Variants in ART3 observed in about 807,000 individuals in gnomAD.
ART3 encodes ecto-ADP-ribosyltransferase 3.
Under a neutral mutation model 48.5 loss-of-function variants are expected in ART3, and 49 were observed. That is an observed-to-expected ratio of 1.01 (90% CI 0.80 to 1.28). The LOEUF (loss-of-function observed/expected upper bound fraction) is 1.28, where lower values mean the gene tolerates loss of function less well. ART3 is among the 50% of genes most tolerant of loss of function. ART3 has a pLI of 0.00. For synonymous variants in ART3, 145 were observed against 157.2 expected, an observed-to-expected ratio of 0.92 and a Z score of 0.58; for missense variants, 438 against 454.3, an observed-to-expected ratio of 0.96 and a Z score of 0.33.
intron 11 of ART3, among the ~76,000 whole-genome samples, chr4:76,110,499 T>G (rs1017511636): frequency 3.3e-5 from 5 of 152,136 alleles, no homozygotes; most frequent in Non-Finnish European, 7.4e-5. Context: ...ATGTTGGTGG[T>G]TATCTTGTTT....
At chr4:76,021,840 C>A in intron 1 of ART3, 2 of 1,239,814 alleles carry the variant, frequency 1.6e-6, no homozygotes, top group South Asian at 2.4e-5. Flanking sequence ...TATGGCTTGA[C>A]ATATACTCCA....
chr4:76,092,965 A>C (rs1354483137), intron 3 of ART3, among the ~76,000 whole-genome samples: 1 of 152,248 alleles, frequency 6.6e-6, no homozygotes, highest in Non-Finnish European at 1.5e-5. Flanking sequence ...TCTGTATTTC[A>C]GAAGCCTGAC....
chr4:76,054,656 A>ACCCC (rs11349732), intron 1 of ART3, among the ~76,000 whole-genome samples: 1 of 151,752 alleles, frequency 6.6e-6, no homozygotes, highest in Admixed American at 6.6e-5. Context: ...ACATAGTGAG[A>ACCCC]CCCCCATCTC....
chr4:76,105,874 C>T (rs1728359008), intron 10 of ART3: 1 of 985,268 alleles, frequency 1.0e-6, no homozygotes, highest in Admixed American at 6.2e-5. Flanking sequence ...ATAGAAATAG[C>T]ATCATCCAAG....
At chr4:76,079,225 C>A (rs1721892275) in intron 2 of ART3, among the ~76,000 whole-genome samples, 2 of 145,646 alleles carry the variant, frequency 1.4e-5, no homozygotes, top group South Asian at 4.4e-4. Context: ...ACCTACCTCA[C>A]AAGGTTGCCG....
chr4:76,084,949 A>C lies in ART3; in HGVS notation c.781+2414A>C, dbSNP rs116404598. Among the ~76,000 whole-genome samples, 373 of 152,218 alleles carry C rather than the reference A, an allele frequency of 2.5e-3. 2 individuals carry two copies. Among genetic ancestry groups the C allele is most frequent in the African/African-American group, 8.5e-3 (354 of 41,520 alleles). ...CCTGCATAGGTTCAAAATATATTGT[A>C]TTTTATATGTGGCATGAGGCTACTA... is the stretch of plus-strand genomic sequence containing the variant. On this transcript the variant is annotated intron_variant, in intron 3 of 11. Transcript: ENST00000355810.
intron 1 of ART3, among the ~76,000 whole-genome samples, chr4:76,011,747 G>A (rs1458737362): frequency 6.6e-6 from 1 of 152,178 alleles, no homozygotes; most frequent in Admixed American, 6.5e-5. Flanking sequence ...GTAGGGCCCC[G>A]CCCCTCTGAG....
chr4:76,111,453 G>T (rs1247273818), intron 11 of ART3, among the ~76,000 whole-genome samples: 2 of 152,066 alleles, frequency 1.3e-5, no homozygotes, highest in Non-Finnish European at 2.9e-5. Context: ...TAAACTTTGG[G>T]TATTAGTAAA....
chr4:76,073,780 G>C (rs1015381368), upstream of ART3, among the ~76,000 whole-genome samples: 2 of 152,066 alleles, frequency 1.3e-5, no homozygotes, highest in African/African-American at 4.8e-5. Flanking sequence ...TTTTGTTCTT[G>C]ATATAAATTA....
At chr4:76,066,010 G>A (rs1719701291) in intron 1 of ART3, among the ~76,000 whole-genome samples, 1 of 152,152 alleles carries the variant, frequency 6.6e-6, no homozygotes, top group Non-Finnish European at 1.5e-5. Flanking sequence ...ATGCCTAACA[G>A]GAATTGGGAG....
At chr4:76,088,451 A>G (rs1174188754) in intron 3 of ART3, among the ~76,000 whole-genome samples, 1 of 151,818 alleles carries the variant, frequency 6.6e-6, no homozygotes, top group African/African-American at 2.4e-5. Flanking sequence ...TATTTTGTAG[A>G]GTTTACTGAG....
intron 3 of ART3, among the ~76,000 whole-genome samples, chr4:76,086,295 T>TA (rs895171963): frequency 2.2e-4 from 34 of 152,062 alleles, no homozygotes; most frequent in Middle Eastern, 6.8e-3. Flanking sequence ...TATTCAGCCT[T>TA]AAAAAAAGAG....
chr4:76,099,455 A>G (rs900719365), intron 5 of ART3: 1 of 179,456 alleles, frequency 5.6e-6, no homozygotes, highest in African/African-American at 2.4e-5. Flanking sequence ...AGGGAAATAT[A>G]CCTTCCTCAA....
chr4:76,028,341 C>T (rs1027717584), intron 1 of ART3, among the ~76,000 whole-genome samples: 1 of 152,162 alleles, frequency 6.6e-6, no homozygotes, highest in African/African-American at 2.4e-5. Flanking sequence ...CTAGAATTCA[C>T]TGATCTGAGT....
intron 3 of ART3, among the ~76,000 whole-genome samples, chr4:76,086,361 G>A (rs1054805743): frequency 2.6e-5 from 4 of 152,118 alleles, no homozygotes; most frequent in African/African-American, 9.7e-5. Flanking sequence ...TAGGCTAAGT[G>A]AAATAAGCCA....
chr4:76,020,509 A>T (rs150323977), intron 1 of ART3, among the ~76,000 whole-genome samples: 1 of 152,192 alleles, frequency 6.6e-6, no homozygotes, highest in African/African-American at 2.4e-5. Flanking sequence ...ATGTGGGAGG[A>T]GAGGAAGAAG....
At chr4:76,075,985 G>T in intron 2 of ART3, 27 bp downstream of exon 2, 1 of 1,496,530 alleles carries the variant, frequency 6.7e-7, no homozygotes, top group Non-Finnish European at 9.1e-7. Context: ...GAAGCATGTG[G>T]TCATTGGAAT....
upstream of ART3, chr4:76,074,568 G>A (rs1720668793): frequency 6.6e-6 from 1 of 152,210 alleles, no homozygotes; most frequent in Non-Finnish European, 1.5e-5. Context: ...GCCTCTTGGA[G>A]ATTTAAAGTG....
At chr4:76,049,428 G>A (rs963740877) in intron 1 of ART3, among the ~76,000 whole-genome samples, 6 of 151,808 alleles carry the variant, frequency 4.0e-5, no homozygotes, top group East Asian at 3.9e-4. Context: ...TCGGGACCTT[G>A]GAGCTGCATG....
Sources: allele counts gnomAD v4.1 joint callset (sites outside exome capture counted in the v4.1 genomes callset), GRCh38; gene constraint gnomAD v4.1.1; transcripts MANE v1.5; gene names NCBI Gene and HGNC (gene_info 2026-07-23, HGNC 2026-07-21).